H4C15: variants seen among roughly 807,000 people sequenced by gnomAD.
H4C15 encodes the protein H4 clustered histone 15.
At chr1:149,847,106 C>T in the H4C15 span, 3 of 152,266 alleles carry the variant, frequency 2.0e-5, no homozygotes, top group African/African-American at 7.2e-5. Context: ...AAGCAAGCAG[C>T]CTATTAATCT....
the H4C15 span, chr1:149,844,524 AT>A: frequency 6.6e-6 from 1 of 151,544 alleles, no homozygotes. Flanking sequence ...GACTTTATAT[AT>A]TTTTATTAGG....
At chr1:149,850,291 G>A (rs1553757597), downstream of H4C15, 4 of 1,392,260 alleles carry the variant, frequency 2.9e-6, no homozygotes, top group Non-Finnish European at 4.0e-6. Context: ...CTTTAACTGA[G>A]GTGGTTAAAT....
the H4C15 span, chr1:149,848,202 T>C: frequency 6.6e-6 from 1 of 152,248 alleles, no homozygotes; most frequent in African/African-American, 2.4e-5. Context: ...TTTGGACATC[T>C]GTTCCAAATA....
chr1:149,848,031 T>G, the H4C15 span: 3 of 152,198 alleles, frequency 2.0e-5, no homozygotes, highest in Non-Finnish European at 2.9e-5. Context: ...CGCCATACAG[T>G]TTGTGGTACT....
downstream of H4C15, chr1:149,850,155 G>A (rs1553757555): frequency 1.7e-6 from 1 of 603,660 alleles, no homozygotes; most frequent in East Asian, 3.1e-5. Context: ...ATCTATGTAA[G>A]CTTACTTATA....
At chr1:149,845,195 A>G in the H4C15 span, 2 of 152,206 alleles carry the variant, frequency 1.3e-5, no homozygotes, top group South Asian at 4.1e-4. Flanking sequence ...GTATGAAAGC[A>G]ATATGACATT....
At chr1:149,846,664 A>C in the H4C15 span, 127 of 152,220 alleles carry the variant, frequency 8.3e-4, 2 homozygotes, top group Admixed American at 8.3e-3. Flanking sequence ...ATGTACACAG[A>C]CAGCCTCTGA....
downstream of H4C15, chr1:149,850,205 G>T (rs1553757564): frequency 1.3e-6 from 1 of 742,308 alleles, no homozygotes; most frequent in South Asian, 1.5e-5. Context: ...TCTGTGCTTG[G>T]TGTTGTGTGC....
the H4C15 span, chr1:149,848,732 G>A: frequency 6.6e-6 from 1 of 152,118 alleles, no homozygotes; most frequent in African/African-American, 2.4e-5. Context: ...AAACACATGT[G>A]GCAGCACTAT....
chr1:149,850,353 G>A (rs782250785), downstream of H4C15: 3 of 820,148 alleles, frequency 3.7e-6, no homozygotes, highest in East Asian at 2.7e-5. Context: ...CGCGGAGGGA[G>A]GGAGGGAGGG....
downstream of H4C15, among the ~76,000 whole-genome samples, chr1:149,849,852 G>C (rs2092165476): frequency 6.6e-6 from 1 of 152,174 alleles, no homozygotes; most frequent in South Asian, 2.1e-4. Flanking sequence ...AAAACCTCAG[G>C]TTTCTCGATA....
chr1:149,850,632 G>A, downstream of H4C15: 3 of 499,768 alleles, frequency 6.0e-6, no homozygotes, highest in Non-Finnish European at 6.8e-6. Flanking sequence ...GGGTGGACCC[G>A]CTTCAGCACC....
the H4C15 span, chr1:149,846,545 A>G: frequency 3.3e-5 from 5 of 152,198 alleles, no homozygotes; most frequent in East Asian, 9.6e-4. Context: ...TGAAAATTTT[A>G]AACCTACAGA....
At chr1:149,845,365 A>C in the H4C15 span, 1 of 152,222 alleles carries the variant, frequency 6.6e-6, no homozygotes, top group Non-Finnish European at 1.5e-5. Flanking sequence ...AAGTGACTAA[A>C]TGTATATTAT....
At chr1:149,845,826 GAA>G in the H4C15 span, 1 of 152,204 alleles carries the variant, frequency 6.6e-6, no homozygotes, top group Non-Finnish European at 1.5e-5. Flanking sequence ...TAGGCTGACT[GAA>G]AGAGAAATCA....
the H4C15 span, chr1:149,848,958 C>A: frequency 6.6e-6 from 1 of 152,204 alleles, no homozygotes; most frequent in Non-Finnish European, 1.5e-5. Context: ...AGATGCATCT[C>A]TCAAACTGTC....
chr1:149,850,259 G>A (rs1395870951), downstream of H4C15: 3 of 1,193,254 alleles, frequency 2.5e-6, no homozygotes, highest in East Asian at 7.6e-5. Flanking sequence ...CATCAACTGG[G>A]ACTGACAACA....
downstream of H4C15, chr1:149,850,199 T>G: frequency 1.4e-6 from 1 of 724,424 alleles, no homozygotes; most frequent in South Asian, 1.5e-5. Context: ...TAGTTATCTG[T>G]GCTTGGTGTT....
chr1:149,849,574 G>C (rs587726825), downstream of H4C15, among the ~76,000 whole-genome samples: 114 of 152,238 alleles, frequency 7.5e-4, no homozygotes, highest in African/African-American at 2.7e-3. Context: ...CTCCTCTTCA[G>C]GGATCCCAAA....
Sources: gnomAD v4.1 joint callset for allele counts (sites outside exome capture counted in the v4.1 genomes callset) on GRCh38, gnomAD v4.1.1 for gene constraint, MANE v1.5 for transcripts, NCBI Gene and HGNC (gene_info 2026-07-23, HGNC 2026-07-21) for gene names.